CCNE1: variants seen among roughly 807,000 people sequenced by gnomAD.
CCNE1 encodes the protein cyclin E1, also known as G1/S-specific cyclin-E1.
Under a neutral mutation model 54.1 loss-of-function variants are expected in CCNE1, and 8 were observed. The ratio of observed to expected loss-of-function variants is 0.15; its 90% confidence interval spans 0.09 to 0.27. The LOEUF is 0.27. Ranked by LOEUF, CCNE1 falls within the 10% of genes least tolerant of loss-of-function variation. The probability of loss-of-function intolerance (pLI) is 1.00; values close to 1 mark genes in which losing one functional copy is unlikely to be tolerated. For missense variants in CCNE1, 430 were observed against 514.9 expected (o/e 0.84, Z 1.60); for synonymous variants, 179 against 185.2 (o/e 0.97, Z 0.27).
In CCNE1 at chr19:29,823,911, C is replaced by A; in HGVS notation, c.*134C>A. 1 of 1,022,654 alleles carries A rather than the reference C, an allele frequency of 9.8e-7. No individual in the cohort carries two copies. Among genetic ancestry groups the A allele is most frequent in the Non-Finnish European group, 1.4e-6 (1 of 725,112 alleles). 63.3% of individuals were successfully genotyped at this position (1,022,654 alleles called of 1,614,324 possible). On this transcript the variant is annotated 3_prime_UTR_variant, in exon 12 of 12. Transcript: ENST00000262643. ...TGTTTCTTCCACAACAGAAGTATTTCTGTGGATGGCATCAAACAGGGCAAA... is the reference window on the plus strand; with the variant it reads ...TGTTTCTTCCACAACAGAAGTATTTATGTGGATGGCATCAAACAGGGCAAA...
chr19:29,822,168 T>G (rs749568350), intron 9 of CCNE1, 38 bp downstream of exon 9: 1 of 1,611,812 alleles, frequency 6.2e-7, no homozygotes, highest in Non-Finnish European at 8.5e-7. Context: ...CCACCTTCCC[T>G]GCAGCTGGAG....
chr19:29,823,721 C>T lies in CCNE1; in HGVS notation c.1177C>T (p.Leu393Phe), dbSNP rs2145732355. The change falls in exon 12 of 12, where the codon CTC (leucine) becomes TTC (phenylalanine). Residue 393 changes from leucine to phenylalanine, a missense_variant. Physicochemically the swap from Leu to Phe is conservative, Grantham distance 22. This residue lies in a region of CCNE1 where 303 missense variants were observed against 401.1 expected (regional missense o/e 0.76). Coordinates refer to ENST00000262643, the MANE Select transcript of CCNE1 (RefSeq NM_001238.4). The part of the protein sequence containing the change: ...QNRASPLPSG[L>F]LTPPQSGKKQ... The stretch of plus-strand genomic sequence containing the variant: ...TAGGGCTTCTCCTCTCCCCAGTGGG[C>T]TCCTCACCCCGCCACAGAGCGGTAA... The T allele has an allele frequency of 3.7e-6, 6 of 1,614,156 alleles. No homozygotes were observed. The highest frequency in any genetic ancestry group is 5.1e-6 in the Non-Finnish European group (6 of 1,179,982).
intron 4 of CCNE1, among the ~76,000 whole-genome samples, chr19:29,815,218 G>C (rs1369116641): frequency 6.6e-6 from 1 of 152,228 alleles, no homozygotes; most frequent in Non-Finnish European, 1.5e-5. Flanking sequence ...CCATCTGGCT[G>C]TAGAGGGTGG....
intron 4 of CCNE1, chr19:29,813,478 T>C (rs3218032): frequency 0.011 from 1,816 of 163,356 alleles, 11 homozygotes; most frequent in Non-Finnish European, 0.016. Context: ...TTTCCCCCTA[T>C]CTACACCTAT....
At position 29,823,969 on chromosome 19, in the gene CCNE1, T is replaced by A. The variant is rs1293692227; in HGVS notation, c.*192T>A. The A allele has an allele frequency of 1.9e-6, 1 of 539,622 alleles. No homozygotes were observed. The highest frequency in any genetic ancestry group is 3.0e-6 in the Non-Finnish European group (1 of 332,746). The allele number at this position is 539,622 out of a possible 1,614,324, so 33.4% of individuals were successfully genotyped here. ...TTATTGAATGCTTATAGGTTTTTTT[T>A]AAATAAGTGGGTCAAGTACACCAGC... On this transcript the variant is annotated 3_prime_UTR_variant, in exon 12 of 12. Coordinates refer to ENST00000262643, the MANE Select transcript of CCNE1 (RefSeq NM_001238.4).
chr19:29,823,673 A>C lies in CCNE1; in HGVS notation c.1129A>C (p.Lys377Gln), dbSNP rs778537865. Residue 377 changes from lysine to glutamine, a missense_variant, in exon 12 of 12, where the codon AAA (lysine) becomes CAA (glutamine). Transcript: ENST00000262643. ...LDLLDKARAK[K>Q]AMLSEQNRAS... Reference sequence around the variant, plus strand: ...CCAACAGGACAAAGCCCGAGCAAAGAAAGCCATGTTGTCTGAACAAAATAG... The same window carrying C: ...CCAACAGGACAAAGCCCGAGCAAAGCAAGCCATGTTGTCTGAACAAAATAG... 1 of 1,614,060 alleles carries C rather than the reference A, an allele frequency of 6.2e-7. No individual in the cohort carries two copies. The highest frequency in any genetic ancestry group is 8.5e-7 in the Non-Finnish European group (1 of 1,179,918).
rs1974168521 is a variant in CCNE1 at position 29,822,301 on chromosome 19, C to T, written c.902C>T (p.Ala301Val). ...CLEFPYGILA[A>V]SALYHFSSSE... ...GAATTTCCTTATGGTATACTTGCTG[C>T]TTCGGCCTTGTATCATTTCTCGTCA... The change falls in exon 10 of 12, where the codon GCT (alanine) becomes GTT (valine). Residue 301 changes from alanine to valine, a missense_variant. Ala to Val is a moderately conservative substitution (Grantham distance 64). Around this residue, in one of 2 missense-constraint regions of CCNE1, gnomAD observed 303 missense variants for 401.1 expected, o/e 0.76. Coordinates refer to ENST00000262643, the MANE Select transcript of CCNE1 (RefSeq NM_001238.4). 6.2e-7 allele frequency: 1 copy of T among 1,614,014 alleles called. No individual in the cohort carries two copies. The highest frequency in any genetic ancestry group is 1.3e-5 in the African/African-American group (1 of 74,912).
At chr19:29,816,281 T>TA (rs1247441843) in intron 4 of CCNE1, among the ~76,000 whole-genome samples, 2 of 152,170 alleles carry the variant, frequency 1.3e-5, no homozygotes, top group Admixed American at 1.3e-4. Flanking sequence ...ACAGACTTCT[T>TA]AGAGTAGGAA....
rs1309581126 is a variant in CCNE1, at chr19:29,812,026, G to A, written c.-151G>A. ...GGCGCGGCCGCCAGCGCGGTGTAGG[G>A]GGCAGGCGCGGATCCCGCCACCGCC... On this transcript the variant is annotated 5_prime_UTR_variant, in exon 1 of 12. Transcript: ENST00000262643. 6.8e-6 allele frequency: 1 copy of A among 147,824 alleles called. No individual in the cohort carries two copies. The highest frequency in any genetic ancestry group is 1.5e-5 in the Non-Finnish European group (1 of 66,242). 9.2% of individuals were successfully genotyped at this position (147,824 alleles called of 1,614,324 possible).
At chr19:29,823,217 C>G (rs1421808187) in intron 11 of CCNE1, among the ~76,000 whole-genome samples, 1 of 152,066 alleles carries the variant, frequency 6.6e-6, no homozygotes. Flanking sequence ...TTGAGACTAG[C>G]CTGGACAACA....
At chr19:29,816,814 T>G (rs1482272256) in intron 4 of CCNE1, among the ~76,000 whole-genome samples, 2 of 151,878 alleles carry the variant, frequency 1.3e-5, no homozygotes, top group Non-Finnish European at 2.9e-5. Context: ...AACTCATCAT[T>G]TAACCTTAGG....
rs1259832910 is a variant in CCNE1, at chr19:29,813,052, G to T, written c.180+15G>T. The T allele has an allele frequency of 6.8e-6, 11 of 1,613,610 alleles. No homozygotes were observed. The highest frequency in any genetic ancestry group is 1.3e-5 in the African/African-American group (1 of 74,934). ...GTGGGAGCCAGGTAGGTCCGCCCGG[G>T]GTTGGGCCTCTGTGGAGGTCCTTCT... On this transcript the variant is annotated intron_variant, in intron 4 of 11. Transcript: ENST00000262643.
Position 29,822,087 on chromosome 19 carries a change from T to C in CCNE1, c.797T>C (p.Leu266Pro). 6.2e-7 allele frequency: 1 copy of C among 1,614,150 alleles called. No homozygotes were observed. ...VAYLNDLHEV[L>P]LPQYPQQIFI... ...TATCTAAATGACTTACATGAAGTGC[T>C]ACTGCCGCAGTATCCCCAGCAAATC... Residue 266 changes from leucine (L) to proline (P), a missense_variant, in exon 9 of 12, where the codon CTA (leucine) becomes CCA (proline). By Grantham distance (98) the Leu-to-Pro change is moderately conservative (BLOSUM62 -3). Transcript: ENST00000262643.
At position 29,824,265 on chromosome 19, in the gene CCNE1, T is replaced by C. The variant is rs1599605971; in HGVS notation, c.*488T>C. 1 of 235,836 alleles carries C rather than the reference T, an allele frequency of 4.2e-6. No individual in the cohort carries two copies. The highest frequency in any genetic ancestry group is 8.4e-6 in the Non-Finnish European group (1 of 119,744). The allele number at this position is 235,836 out of a possible 1,614,324, so 14.6% of individuals were successfully genotyped here. A position where few individuals can be genotyped will look rare whatever the true frequency, so the allele number is the denominator to read the frequency against. On this transcript the variant is annotated 3_prime_UTR_variant, in exon 12 of 12. Transcript: ENST00000262643. The stretch of plus-strand genomic sequence containing the variant: ...CTTTGATGAACTGTTTTGTAAGTGC[T>C]GCTATATCTATCCATTTTTTAATAA...
rs780901345 is a variant in CCNE1, at chr19:29,820,664, AACTT to A, written c.463-33_463-30del. On this transcript the variant is annotated intron_variant, in intron 6 of 11. Coordinates refer to ENST00000262643, the MANE Select transcript of CCNE1 (RefSeq NM_001238.4). ...TTTTTTTTTCCCCTCCCTCAAGTAA[AACTT>A]ACTTGTGCTAAAACTTACTAAATAT... is the stretch of plus-strand genomic sequence containing the variant. 71 of 1,503,032 alleles carry A rather than the reference AACTT, an allele frequency of 4.7e-5. No individual in the cohort carries two copies. In the South Asian group the frequency reaches 7.6e-4, roughly 16 times the overall value. 93.1% of individuals were successfully genotyped at this position (1,503,032 alleles called of 1,614,324 possible).
intron 2 of CCNE1, 21 bp downstream of exon 2, chr19:29,812,599 G>A (rs1973916460): frequency 6.5e-7 from 1 of 1,532,304 alleles, no homozygotes; most frequent in Non-Finnish European, 8.8e-7. Flanking sequence ...GCGCCGCGGG[G>A]CCGGACGGGA....
intron 4 of CCNE1, among the ~76,000 whole-genome samples, chr19:29,815,819 G>A (rs1974002456): frequency 6.6e-6 from 1 of 151,054 alleles, no homozygotes; most frequent in Admixed American, 6.6e-5. Context: ...AGTAGAGACG[G>A]GGTTTCACCA....
In CCNE1 at chr19:29,812,147, A is replaced by T. The variant is rs1973901832; in HGVS notation, c.-30A>T. On this transcript the variant is annotated 5_prime_UTR_variant, in exon 1 of 12. Transcript: ENST00000262643. ...GAGCGCGCCGTCCGCCGCGGACAAG[A>T]CCCTGGTGAGTCTACTGCCGCGGGC... 6.7e-6 allele frequency: 1 copy of T among 148,518 alleles called. No homozygotes were observed. The allele number at this position is 148,518 out of a possible 1,614,324, so 9.2% of individuals were successfully genotyped here. A position where few individuals can be genotyped will look rare whatever the true frequency, so the allele number is the denominator to read the frequency against.
intron 4 of CCNE1, among the ~76,000 whole-genome samples, chr19:29,815,314 G>A (rs77560992): frequency 6.6e-6 from 1 of 152,190 alleles, no homozygotes; most frequent in East Asian, 1.9e-4. Context: ...CCCTTTTTGA[G>A]TTAAGGAAAT....
Sources: gnomAD v4.1 joint callset for allele counts (sites outside exome capture counted in the v4.1 genomes callset) on GRCh38, gnomAD v4.1.1 for gene constraint, gnomAD v4.1.1 regional missense constraint, MANE v1.5 for transcripts, NCBI Gene and HGNC (gene_info 2026-07-23, HGNC 2026-07-21) for gene names.